SEC23A: variants seen among roughly 807,000 people sequenced by gnomAD.
SEC23A encodes protein transport protein Sec23A.
A neutral mutation model predicts 103.7 loss-of-function variants in SEC23A; 56 were observed. The ratio of observed to expected loss-of-function variants is 0.54; its 90% confidence interval spans 0.44 to 0.67. The LOEUF (loss-of-function observed/expected upper bound fraction) is 0.67. SEC23A is among the 30% of genes least tolerant of loss of function. The pLI, the probability that SEC23A is intolerant of heterozygous loss-of-function variation, is 0.00. For missense variants in SEC23A, 784 were observed against 936.4 expected (o/e 0.84, Z 2.12); for synonymous variants, 281 against 293.0 (o/e 0.96, Z 0.42).
At chr14:39,053,444 G>C (rs1441606085) in intron 14 of SEC23A, among the ~76,000 whole-genome samples, 2 of 151,662 alleles carry the variant, frequency 1.3e-5, no homozygotes, top group South Asian at 2.1e-4. Flanking sequence ...CCACCTTGAA[G>C]GAACTGTGTT....
chr14:39,098,849 A>G (rs1300923718), intron 1 of SEC23A, among the ~76,000 whole-genome samples: 2 of 151,902 alleles, frequency 1.3e-5, no homozygotes, highest in East Asian at 3.8e-4. Flanking sequence ...ATAAGTCATA[A>G]GAAATCCAGT....
chr14:39,064,324 C>T (rs939261228), intron 11 of SEC23A, among the ~76,000 whole-genome samples: 2 of 152,116 alleles, frequency 1.3e-5, no homozygotes, highest in East Asian at 1.9e-4. Flanking sequence ...TTTTAGAGTA[C>T]GTTATACTTC....
At chr14:39,081,276 GA>G (rs1246847558) in intron 7 of SEC23A, among the ~76,000 whole-genome samples, 2 of 148,856 alleles carry the variant, frequency 1.3e-5, no homozygotes, top group Non-Finnish European at 3.0e-5. Flanking sequence ...AAACCTCCAG[GA>G]AAAAAAAATT....
At chr14:39,083,108 CAA>C (rs1485091272) in intron 7 of SEC23A, among the ~76,000 whole-genome samples, 2 of 152,116 alleles carry the variant, frequency 1.3e-5, no homozygotes, top group African/African-American at 4.8e-5. Flanking sequence ...ATAGGAAATA[CAA>C]AGTTTCAAGG....
At chr14:39,055,631 A>G (rs151202049) in intron 13 of SEC23A, among the ~76,000 whole-genome samples, 234 of 152,300 alleles carry the variant, frequency 1.5e-3, no homozygotes, top group African/African-American at 5.4e-3. Context: ...AATAAAATTA[A>G]ACAAGAGAAG....
chr14:39,076,160 T>C (rs1887010069), intron 7 of SEC23A, 67 bp from the exon 8 acceptor site: 1 of 1,115,582 alleles, frequency 9.0e-7, no homozygotes, highest in Non-Finnish European at 1.3e-6. Flanking sequence ...AATAATTTTT[T>C]ATATATTCCT....
At chr14:39,081,375 A>G (rs1399579353) in intron 7 of SEC23A, among the ~76,000 whole-genome samples, 1 of 152,240 alleles carries the variant, frequency 6.6e-6, no homozygotes, top group Non-Finnish European at 1.5e-5. Context: ...AGCCCAAGAA[A>G]TTCTGTACTC....
rs1885357546 is a variant in SEC23A, at chr14:39,033,217, T to C, written c.*22A>G. The C allele has an allele frequency of 1.3e-6, 2 of 1,513,112 alleles. No individual in the cohort carries two copies. Among genetic ancestry groups the C allele is most frequent in the Non-Finnish European group, 1.8e-6 (2 of 1,088,234 alleles). The allele number at this position is 1,513,112 out of a possible 1,614,324, so 93.7% of individuals were successfully genotyped here. A position where few individuals can be genotyped will look rare whatever the true frequency, so the allele number is the denominator to read the frequency against. ...TTGAATATTATTTCATCTTCTTAAG[T>C]GTCTTTAACATTATTAGCACTTCAA... On this transcript the variant is annotated 3_prime_UTR_variant, in exon 20 of 20. Transcript: ENST00000307712.
chr14:39,047,567 C>G (rs1464047463), intron 15 of SEC23A: 1 of 272,604 alleles, frequency 3.7e-6, no homozygotes, highest in Non-Finnish European at 6.9e-6. Context: ...ACAAAGTTCT[C>G]ATGGGCAAAA....
chr14:39,034,767 C>G (rs930865941), intron 19 of SEC23A, among the ~76,000 whole-genome samples: 5 of 152,074 alleles, frequency 3.3e-5, no homozygotes, highest in Non-Finnish European at 7.4e-5. Context: ...TCAAATGGAC[C>G]CTTTTTCTAT....
chr14:39,070,291 A>G (rs1886800809), intron 9 of SEC23A, among the ~76,000 whole-genome samples: 1 of 152,254 alleles, frequency 6.6e-6, no homozygotes, highest in African/African-American at 2.4e-5. Flanking sequence ...GAAAGTGTTG[A>G]CATATCTAAT....
Position 39,085,974 on chromosome 14 carries a change from T to C in SEC23A, c.684-68A>G, listed in dbSNP as rs1887429912. 7.3e-6 allele frequency: 10 copies of C among 1,363,650 alleles called. No individual in the cohort carries two copies. In the East Asian group the frequency reaches 2.3e-4, roughly 31 times the overall value. The allele number at this position is 1,363,650 out of a possible 1,614,324, so 84.5% of individuals were successfully genotyped here. A position where few individuals can be genotyped will look rare whatever the true frequency, so the allele number is the denominator to read the frequency against. ...TGGGTGAGAGTTCGATAAACAAATT[T>C]CACTTTCCTAAAAATAGAAAACAAC... On this transcript the variant is annotated intron_variant, in intron 6 of 19. Coordinates refer to ENST00000307712, the MANE Select transcript of SEC23A (RefSeq NM_006364.4).
intron 11 of SEC23A, 122 bp downstream of exon 11, chr14:39,064,791 G>A (rs538240024): frequency 6.4e-6 from 5 of 778,328 alleles, no homozygotes; most frequent in African/African-American, 3.4e-5. Context: ...TGTTGCCTGA[G>A]CTGGTCTCTA....
rs1180947501 is a variant in SEC23A at position 39,087,015 on chromosome 14, A to G, written c.604-7T>C. 1 of 1,457,784 alleles carries G rather than the reference A, an allele frequency of 6.9e-7. No individual in the cohort carries two copies. Among genetic ancestry groups the G allele is most frequent in the East Asian group, 2.3e-5 (1 of 44,278 alleles). 90.3% of individuals were successfully genotyped at this position (1,457,784 alleles called of 1,614,324 possible). A position where few individuals can be genotyped will look rare whatever the true frequency, so the allele number is the denominator to read the frequency against. On this transcript the variant is annotated splice_polypyrimidine_tract_variant and splice_region_variant and intron_variant, in intron 5 of 19. Transcript: ENST00000307712. ...TAGAGAGCCCCAGCATTTCCTGTAA[A>G]GAGATTACTTGTGCAATATTCATTT...
intron 15 of SEC23A, among the ~76,000 whole-genome samples, chr14:39,047,643 T>A (rs1885890371): frequency 6.6e-6 from 1 of 152,190 alleles, no homozygotes; most frequent in Non-Finnish European, 1.5e-5. Context: ...ACCTCCTCCT[T>A]CAAAAGATAT....
intron 5 of SEC23A, chr14:39,087,418 G>A: frequency 5.3e-6 from 1 of 189,856 alleles, no homozygotes; most frequent in Non-Finnish European, 1.1e-5. Context: ...TTCCCTCATG[G>A]AAATTAAAAT....
chr14:39,082,239 CAT>C lies in SEC23A; in HGVS notation c.828+3521_828+3522del, dbSNP rs201761030. ...CCAGTGTGTATTCTGTATGTATTTA[CAT>C]ATATATATGTGTATATAAATTTATA... is the stretch of plus-strand genomic sequence containing the variant. On this transcript the variant is annotated intron_variant, in intron 7 of 19. Coordinates refer to ENST00000307712, the MANE Select transcript of SEC23A (RefSeq NM_006364.4). Among the ~76,000 whole-genome samples, 1,349 of 151,190 alleles carry C rather than the reference CAT, an allele frequency of 8.9e-3. 22 individuals are homozygous for C. Among genetic ancestry groups the C allele is most frequent in the African/African-American group, 0.031 (1,262 of 41,232 alleles).
chr14:39,062,004 T>C, intron 12 of SEC23A, 133 bp from the exon 13 acceptor site: 1 of 673,960 alleles, frequency 1.5e-6, no homozygotes, highest in South Asian at 1.6e-5. Context: ...TTCCAGTGCA[T>C]TCAAAACAGT....
intron 19 of SEC23A, among the ~76,000 whole-genome samples, chr14:39,037,397 C>T (rs11157041): frequency 0.21 from 31,765 of 152,108 alleles, 3,851 homozygotes; most frequent in Middle Eastern, 0.34. Flanking sequence ...TTCCCCTCAC[C>T]TGTTTTTTAA....
Sources: gnomAD v4.1 joint callset for allele counts (sites outside exome capture counted in the v4.1 genomes callset) on GRCh38, gnomAD v4.1.1 for gene constraint, MANE v1.5 for transcripts, NCBI Gene and HGNC (gene_info 2026-07-23, HGNC 2026-07-21) for gene names.